The following FOCAD variants were observed in gnomAD, a reference collection of about 807,000 sequenced individuals.
FOCAD encodes focadhesin.
Under a neutral mutation model 225.6 loss-of-function variants are expected in FOCAD, and 198 were observed. The ratio of observed to expected loss-of-function variants is 0.88; its 90% confidence interval spans 0.78 to 0.99. The LOEUF (loss-of-function observed/expected upper bound fraction) is 0.99, where lower values mean the gene tolerates loss of function less well. FOCAD is among the 50% of genes least tolerant of loss of function. FOCAD has a pLI of 0.00. For synonymous variants in FOCAD, 897 were observed against 755.0 expected (o/e 1.19, Z -3.08); for missense variants, 2,713 against 2,123.6 (o/e 1.28, Z -5.46).
chr9:20,682,170 T>C (rs1822418163), upstream of FOCAD, among the ~76,000 whole-genome samples: 1 of 152,380 alleles, frequency 6.6e-6, no homozygotes, highest in East Asian at 1.9e-4. Flanking sequence ...GGCACCTTGC[T>C]TGGACTTCCC....
chr9:20,992,249 C>T (rs965318231), intron 42 of FOCAD, among the ~76,000 whole-genome samples: 1 of 152,184 alleles, frequency 6.6e-6, no homozygotes, highest in Admixed American at 6.5e-5. Context: ...GTTTCCACCT[C>T]ATTTGCAGGA....
chr9:20,951,147 A>C, intron 34 of FOCAD, 49 bp downstream of exon 34: 1 of 1,394,358 alleles, frequency 7.2e-7, no homozygotes, highest in Non-Finnish European at 1.0e-6. Flanking sequence ...GGGATTGCCG[A>C]CCCAGCGCTC....
At chr9:20,784,684 ATGGTACTTTT>A (rs1426043447) in intron 10 of FOCAD, among the ~76,000 whole-genome samples, 1 of 152,176 alleles carries the variant, frequency 6.6e-6, no homozygotes, top group Non-Finnish European at 1.5e-5. Flanking sequence ...AAAATTAAAT[ATGGTACTTTT>A]GGGTCTTTGG....
chr9:20,969,712 ATAT>A (rs892314606), intron 35 of FOCAD, among the ~76,000 whole-genome samples: 20 of 36,412 alleles, frequency 5.5e-4, no homozygotes, highest in African/African-American at 1.6e-3. Flanking sequence ...ATATAAAAAA[ATAT>A]ATATATATAG....
intron 24 of FOCAD, among the ~76,000 whole-genome samples, chr9:20,918,460 A>G (rs891496266): frequency 6.6e-6 from 1 of 152,208 alleles, no homozygotes; most frequent in Non-Finnish European, 1.5e-5. Context: ...GCGGTGGCTC[A>G]CGCCTGTAAT....
intron 2 of FOCAD, among the ~76,000 whole-genome samples, chr9:20,660,725 G>C (rs975234583): frequency 6.6e-6 from 1 of 152,218 alleles, no homozygotes; most frequent in Non-Finnish European, 1.5e-5. Context: ...GATGTGAAAA[G>C]TAGGAGAAAG....
chr9:20,946,817 G>A lies in FOCAD; in HGVS notation c.3672G>A (p.Gln1224=). Residue 1224 remains glutamine, a synonymous_variant, in exon 30 of 44, where the codon CAG becomes CAA. Transcript: ENST00000338382. ...TTCGACTGTTAGTGGAGAATAGCCA[G>A]CAGGTTGGAACGTGTGCCCTGATTA... The part of the protein sequence containing the change: ...NKLRLLVENS[Q]QTSGFALALG... 6.2e-7 allele frequency: 1 copy of A among 1,613,516 alleles called. No homozygotes were observed. Among genetic ancestry groups the A allele is most frequent in the Non-Finnish European group, 8.5e-7 (1 of 1,179,564 alleles).
At chr9:20,836,694 AC>A (rs1171521288) in intron 15 of FOCAD, among the ~76,000 whole-genome samples, 3 of 151,992 alleles carry the variant, frequency 2.0e-5, no homozygotes, top group African/African-American at 7.2e-5. Context: ...ATTAACATTC[AC>A]TTTGTCACCC....
intron 5 of FOCAD, among the ~76,000 whole-genome samples, chr9:20,751,086 A>G (rs1450142200): frequency 6.6e-6 from 1 of 152,008 alleles, no homozygotes; most frequent in African/African-American, 2.4e-5. Flanking sequence ...CAGGATGTAA[A>G]TTTGGAACTT....
At chr9:20,937,346 A>C (rs9969812) in intron 28 of FOCAD, among the ~76,000 whole-genome samples, 132,083 of 137,276 alleles carry the variant, frequency 0.96, 63,572 homozygotes, top group Non-Finnish European at 0.99. Context: ...AGGCTACAGT[A>C]ACCAAAACAG....
At position 20,948,276 on chromosome 9, in the gene FOCAD, A is replaced by G; in HGVS notation, c.3681A>G (p.Ser1227=). The change falls in exon 31 of 44, where the codon TCA becomes TCG. Residue 1227 remains serine, a synonymous_variant. Transcript: ENST00000338382. The part of the protein sequence containing the change: ...RLLVENSQQT[S]GFALALGNIV... ...TTTTTATTTATTTATATCAGACTTC[A>G]GGTTTTGCCCTGGCTTTAGGAAACA... 1 of 1,603,946 alleles carries G rather than the reference A, an allele frequency of 6.2e-7. No individual in the cohort carries two copies. The highest frequency in any genetic ancestry group is 8.5e-7 in the Non-Finnish European group (1 of 1,175,258).
chr9:20,774,037 C>G lies in FOCAD; in HGVS notation c.906+3799C>G, dbSNP rs1818504762. ...TTAGATTCTCACAGGAGCATGAACC[C>G]TATTGTGAACTGTGCATGCGAGGGA... On this transcript the variant is annotated intron_variant, in intron 8 of 43. Coordinates refer to ENST00000338382, the MANE Select transcript of FOCAD (RefSeq NM_001375567.1). Among the ~76,000 whole-genome samples the G allele has an allele frequency of 2.6e-5, 4 of 152,170 alleles. No homozygotes were observed. The South Asian group carries it at 6.2e-4, about 24-fold the overall frequency.
In FOCAD at chr9:20,781,980, C is replaced by A. The variant is rs6475473; in HGVS notation, c.1197+51C>A. On this transcript the variant is annotated intron_variant, in intron 10 of 43. Transcript: ENST00000338382. ...TAAATAAAGTGTCGATGTGGGATTT[C>A]GGTCTTTACGGATAATCTTGCCTCC... The A allele has an allele frequency of 0.3, 461,412 of 1,523,814 alleles. 73,849 individuals are homozygous for A. Among genetic ancestry groups the A allele is most frequent in the East Asian group, 0.52 (23,013 of 44,180 alleles). 94.4% of individuals were successfully genotyped at this position (1,523,814 alleles called of 1,614,324 possible).
At chr9:20,897,428 T>C (rs1379068807) in intron 21 of FOCAD, among the ~76,000 whole-genome samples, 1 of 151,742 alleles carries the variant, frequency 6.6e-6, no homozygotes. Flanking sequence ...TTTTTCTGTT[T>C]GTTGCTCATG....
chr9:20,965,068 A>G (rs1395466424), intron 35 of FOCAD, among the ~76,000 whole-genome samples: 1 of 152,182 alleles, frequency 6.6e-6, no homozygotes, highest in African/African-American at 2.4e-5. Flanking sequence ...GTGAAAGTAG[A>G]TGAACTTTCA....
At chr9:20,914,038 G>A (rs1301278668) in intron 23 of FOCAD, among the ~76,000 whole-genome samples, 3 of 151,732 alleles carry the variant, frequency 2.0e-5, no homozygotes, top group African/African-American at 4.8e-5. Flanking sequence ...GCCAAGGCAG[G>A]TGGATCATTT....
intron 43 of FOCAD, 119 bp downstream of exon 43, chr9:20,993,447 A>T: frequency 1.2e-6 from 1 of 828,694 alleles, no homozygotes; most frequent in Middle Eastern, 2.7e-4. Flanking sequence ...GCTTGGGACC[A>T]GAGGTGTTTT....
chr9:20,977,002 C>T (rs1167292688), intron 36 of FOCAD, among the ~76,000 whole-genome samples: 1 of 152,122 alleles, frequency 6.6e-6, no homozygotes, highest in Non-Finnish European at 1.5e-5. Context: ...TGTTTCTCAC[C>T]AGCCTAAGAT....
intron 23 of FOCAD, among the ~76,000 whole-genome samples, chr9:20,913,609 C>T (rs746482201): frequency 4.6e-5 from 7 of 152,004 alleles, no homozygotes; most frequent in Non-Finnish European, 7.4e-5. Flanking sequence ...AAAATCTGTC[C>T]GAAGATTATT....
Sources: gnomAD v4.1 joint callset for allele counts (sites outside exome capture counted in the v4.1 genomes callset) on GRCh38, gnomAD v4.1.1 for gene constraint, MANE v1.5 for transcripts, NCBI Gene and HGNC (gene_info 2026-07-23, HGNC 2026-07-21) for gene names.